TMEFF2: variants seen among roughly 807,000 people sequenced by gnomAD.
TMEFF2 encodes tomoregulin-2.
TMEFF2 carries 28 observed loss-of-function variants against 53.8 expected under a neutral mutation model. The ratio of observed to expected loss-of-function variants is 0.52; its 90% confidence interval spans 0.39 to 0.71. TMEFF2 has a LOEUF of 0.71. Ranked by LOEUF, TMEFF2 falls within the 30% of genes least tolerant of loss-of-function variation. The pLI is 0.00. For missense variants in TMEFF2, 353 were observed against 455.2 expected, an observed-to-expected ratio of 0.78 and a Z score of 2.04; for synonymous variants, 162 against 166.3, an observed-to-expected ratio of 0.97 and a Z score of 0.20.
At chr2:192,149,050 C>T (rs1449093873) in intron 4 of TMEFF2, among the ~76,000 whole-genome samples, 1 of 151,828 alleles carries the variant, frequency 6.6e-6, no homozygotes, top group African/African-American at 2.4e-5. Flanking sequence ...TTATTTTTTC[C>T]CCATTTCCCT....
intron 7 of TMEFF2, among the ~76,000 whole-genome samples, chr2:191,990,416 A>AGTGTGT (rs55848067): frequency 2.7e-4 from 40 of 147,352 alleles, no homozygotes; most frequent in Admixed American, 9.5e-4. Context: ...TGCTCAGAAT[A>AGTGTGT]GTGTGTGTGT....
chr2:192,010,142 A>G (rs537550921), intron 5 of TMEFF2, among the ~76,000 whole-genome samples: 1 of 152,192 alleles, frequency 6.6e-6, no homozygotes, highest in Admixed American at 6.5e-5. Context: ...GAAGGGAATC[A>G]TCTCTCTCTT....
chr2:192,073,737 G>A (rs1688345691), intron 4 of TMEFF2, among the ~76,000 whole-genome samples: 2 of 151,866 alleles, frequency 1.3e-5, no homozygotes, highest in Non-Finnish European at 2.9e-5. Context: ...AAAGTTAATT[G>A]ACTTCTCAAT....
intron 5 of TMEFF2, among the ~76,000 whole-genome samples, chr2:192,006,088 G>T (rs1271622405): frequency 6.7e-6 from 1 of 149,266 alleles, no homozygotes; most frequent in Non-Finnish European, 1.5e-5. Flanking sequence ...ACTTATAGTG[G>T]GCAATCCTTT....
chr2:191,985,494 A>C (rs775661256), intron 7 of TMEFF2, among the ~76,000 whole-genome samples: 1 of 151,628 alleles, frequency 6.6e-6, no homozygotes, highest in Non-Finnish European at 1.5e-5. Flanking sequence ...AAACAAAACA[A>C]CTGTTCCATC....
intron 4 of TMEFF2, among the ~76,000 whole-genome samples, chr2:192,095,299 C>T (rs114954888): frequency 3.1e-4 from 47 of 152,164 alleles, no homozygotes; most frequent in African/African-American, 8.4e-4. Context: ...CTGCCACACC[C>T]GGTCCTAATT....
intron 4 of TMEFF2, among the ~76,000 whole-genome samples, chr2:192,082,720 C>A (rs540845799): frequency 3.3e-5 from 5 of 152,104 alleles, no homozygotes; most frequent in African/African-American, 1.2e-4. Flanking sequence ...GAATTAGATT[C>A]GGAACCTCTT....
At position 192,157,587 on chromosome 2, in the gene TMEFF2, T is replaced by C. The variant is rs182172951; in HGVS notation, c.439+22081A>G. Among the ~76,000 whole-genome samples, 341 of 152,066 alleles carry C rather than the reference T, an allele frequency of 2.2e-3. 2 individuals carry two copies. Among genetic ancestry groups the C allele is most frequent in the East Asian group, 5.8e-4 (3 of 5,158 alleles). On this transcript the variant is annotated intron_variant, in intron 4 of 9. Transcript: ENST00000272771. ...TCATATGTCAAGAAGTTTGTAAATA[T>C]ATATTTATTTTTAATGTGAAAGCAA...
intron 5 of TMEFF2, among the ~76,000 whole-genome samples, chr2:192,056,378 A>G (rs1159108077): frequency 6.6e-6 from 1 of 151,824 alleles, no homozygotes; most frequent in African/African-American, 2.4e-5. Flanking sequence ...GGAGGAGGAG[A>G]AGAAGAGGAA....
At chr2:192,193,876 C>T (rs1488169632) in intron 1 of TMEFF2, among the ~76,000 whole-genome samples, 1 of 151,982 alleles carries the variant, frequency 6.6e-6, no homozygotes, top group East Asian at 1.9e-4. Flanking sequence ...CCAGTGCGAC[C>T]TCATGGCACC....
chr2:192,113,075 G>T (rs577027030), intron 4 of TMEFF2, among the ~76,000 whole-genome samples: 1 of 152,280 alleles, frequency 6.6e-6, no homozygotes, highest in African/African-American at 2.4e-5. Context: ...TCTATATTTT[G>T]TATATTTCAA....
At chr2:192,015,711 C>T (rs544454121) in intron 5 of TMEFF2, among the ~76,000 whole-genome samples, 1 of 152,182 alleles carries the variant, frequency 6.6e-6, no homozygotes, top group African/African-American at 2.4e-5. Flanking sequence ...TAGGGGAAGG[C>T]TCGTTTCTAT....
chr2:192,103,888 G>A (rs1347270099), intron 4 of TMEFF2, among the ~76,000 whole-genome samples: 12 of 151,814 alleles, frequency 7.9e-5, no homozygotes, highest in Admixed American at 5.9e-4. Flanking sequence ...GATAAAATCA[G>A]AGGAATAGCA....
intron 4 of TMEFF2, among the ~76,000 whole-genome samples, chr2:192,096,772 G>A (rs968943235): frequency 2.1e-5 from 3 of 142,992 alleles, no homozygotes; most frequent in Non-Finnish European, 3.0e-5. Context: ...CGCCTCCTGA[G>A]TTCAAGTGAT....
chr2:192,064,791 T>A lies in TMEFF2; in HGVS notation c.440-7016A>T, dbSNP rs527854511. 5.1e-4 allele frequency among the ~76,000 whole-genome samples: 77 copies of A among 151,948 alleles called. 1 individual carries two copies. Among genetic ancestry groups the A allele is most frequent in the African/African-American group, 1.7e-3 (71 of 41,532 alleles). On this transcript the variant is annotated intron_variant, in intron 4 of 9. Transcript: ENST00000272771. ...GAATTTCTTCTTTCTTGCTTTTTCCTTCTGTACAAAAAAGACACATTCCAA... is the reference window on the plus strand; with the variant it reads ...GAATTTCTTCTTTCTTGCTTTTTCCATCTGTACAAAAAAGACACATTCCAA...
chr2:192,048,868 C>T (rs1687691680), intron 5 of TMEFF2, among the ~76,000 whole-genome samples: 2 of 152,256 alleles, frequency 1.3e-5, no homozygotes, highest in South Asian at 2.1e-4. Flanking sequence ...TTCTATGCAA[C>T]CTTAAGTCTA....
chr2:192,117,279 A>G (rs950055197), intron 4 of TMEFF2, among the ~76,000 whole-genome samples: 4 of 152,164 alleles, frequency 2.6e-5, no homozygotes, highest in Non-Finnish European at 5.9e-5. Context: ...GAGACCTATA[A>G]TCAACTCAAT....
chr2:192,186,605 G>A (rs1691320870), intron 2 of TMEFF2, among the ~76,000 whole-genome samples: 1 of 152,126 alleles, frequency 6.6e-6, no homozygotes, highest in African/African-American at 2.4e-5. Context: ...GATCCTTTCA[G>A]TAGACAGAAG....
chr2:192,107,596 A>T (rs982253472), intron 4 of TMEFF2, among the ~76,000 whole-genome samples: 17 of 151,884 alleles, frequency 1.1e-4, no homozygotes, highest in African/African-American at 3.4e-4. Flanking sequence ...CTAGAATCTC[A>T]TATGCTGATA....
Sources: gnomAD v4.1 joint callset for allele counts (sites outside exome capture counted in the v4.1 genomes callset) on GRCh38, gnomAD v4.1.1 for gene constraint, MANE v1.5 for transcripts, NCBI Gene and HGNC (gene_info 2026-07-23, HGNC 2026-07-21) for gene names.